DEGS2: variants seen among roughly 807,000 people sequenced by gnomAD.
The protein encoded by DEGS2 is delta 4-desaturase, sphingolipid 2.
In DEGS2, 19 loss-of-function variants were observed where a neutral mutation model predicts 23.8. That is an observed-to-expected ratio of 0.80 (90% CI 0.56 to 1.17). DEGS2 has a LOEUF of 1.17. Ranked by LOEUF, DEGS2 falls within the 50% of genes most tolerant of loss-of-function variation. The probability of loss-of-function intolerance (pLI) is 0.00; values close to 1 mark genes in which losing one functional copy is unlikely to be tolerated. For missense variants in DEGS2, 390 were observed against 459.5 expected, an observed-to-expected ratio of 0.85 and a Z score of 1.38; for synonymous variants, 218 against 213.7, an observed-to-expected ratio of 1.02 and a Z score of -0.18.
chr14:100,149,789 C>T (rs753250048), intron 1 of DEGS2, 79 bp from the exon 2 acceptor site: 144 of 1,439,030 alleles, frequency 1.0e-4, no homozygotes, highest in Middle Eastern at 1.9e-4. Flanking sequence ...CTGCAGTGGC[C>T]GAGGGGTGAG....
At position 100,146,783 on chromosome 14, in the gene DEGS2, C is replaced by T. The variant is rs772234556; in HGVS notation, c.950G>A (p.Arg317Lys). ...GPYARVKRVY[R>K]LAKDGL is the part of the protein sequence containing the mutation. ...GGCTCACAGACCATCTTTTGCCAGC[C>T]TGTACACCCGCTTCACCCTGGCATA... Residue 317 changes from arginine (R) to lysine (K), a missense_variant, in exon 3 of 3, where the codon AGG becomes AAG. Coordinates refer to ENST00000305631, the MANE Select transcript of DEGS2 (RefSeq NM_206918.3). 1.2e-6 allele frequency: 2 copies of T among 1,613,698 alleles called. No homozygotes were observed. The highest frequency in any genetic ancestry group is 1.1e-5 in the South Asian group (1 of 91,084).
intron 1 of DEGS2, among the ~76,000 whole-genome samples, chr14:100,152,389 G>A (rs941826465): frequency 3.3e-5 from 5 of 152,186 alleles, no homozygotes; most frequent in African/African-American, 1.2e-4. Context: ...GAGCTATGGA[G>A]CATTATTTCT....
chr14:100,159,635 G>T lies in DEGS2; in HGVS notation c.-48C>A. 8.0e-7 allele frequency: 1 copy of T among 1,253,660 alleles called. No homozygotes were observed. Among genetic ancestry groups the T allele is most frequent in the Non-Finnish European group, 1.0e-6 (1 of 967,912 alleles). The allele number at this position is 1,253,660 out of a possible 1,614,324, so 77.7% of individuals were successfully genotyped here. A position where few individuals can be genotyped will look rare whatever the true frequency, so the allele number is the denominator to read the frequency against. On this transcript the variant is annotated 5_prime_UTR_variant, in exon 1 of 3. Transcript: ENST00000305631. Reference sequence around the variant, plus strand: ...GGAGCGCGGCCGGCTCGGCTCTGCTGCACCTGTCGCGGCGGCCGCGGCGCG... The same window carrying T: ...GGAGCGCGGCCGGCTCGGCTCTGCTTCACCTGTCGCGGCGGCCGCGGCGCG...
At chr14:100,147,044 C>G in intron 2 of DEGS2, 137 bp from the exon 3 acceptor site, 1 of 988,728 alleles carries the variant, frequency 1.0e-6, no homozygotes, top group Non-Finnish European at 1.5e-6. Context: ...CGCGCGCACA[C>G]CCACACACAC....
intron 2 of DEGS2, among the ~76,000 whole-genome samples, chr14:100,147,205 G>T (rs1379414287): frequency 6.6e-6 from 1 of 152,206 alleles, no homozygotes; most frequent in Non-Finnish European, 1.5e-5. Flanking sequence ...GGGCCTGGTG[G>T]CCTGAACTGC....
At chr14:100,159,419 C>T (rs974348626) in intron 1 of DEGS2, 87 bp downstream of exon 1, 49 of 1,058,166 alleles carry the variant, frequency 4.6e-5, no homozygotes, top group Admixed American at 1.4e-4. Flanking sequence ...AGAGCTGGAG[C>T]GGCCCGTCTG....
At position 100,149,587 on chromosome 14, in the gene DEGS2, A is replaced by G; in HGVS notation, c.206T>C (p.Leu69Pro). Residue 69 changes from leucine to proline, a missense_variant, in exon 2 of 3, where the codon CTG (leucine) becomes CCG (proline). By Grantham distance (98) the Leu-to-Pro change is moderately conservative. Coordinates refer to ENST00000305631, the MANE Select transcript of DEGS2 (RefSeq NM_206918.3). The part of the protein sequence containing the change: ...WLVRGLAWRW[L>P]LFWAYAFGGC... ...ACCAAAGGCGTAGGCCCAGAACAGC[A>G]GCCAGCGCCAGGCCAGCCCGCGCAC... 1 of 1,609,574 alleles carries G rather than the reference A, an allele frequency of 6.2e-7. No individual in the cohort carries two copies. Among genetic ancestry groups the G allele is most frequent in the Non-Finnish European group, 8.5e-7 (1 of 1,179,074 alleles).
chr14:100,159,208 A>G (rs1595280781), intron 1 of DEGS2, among the ~76,000 whole-genome samples: 2 of 152,064 alleles, frequency 1.3e-5, no homozygotes, highest in Admixed American at 6.5e-5. Flanking sequence ...AGCATCCCAG[A>G]GCCCCGGCCC....
chr14:100,158,495 G>A (rs1297150340), intron 1 of DEGS2, among the ~76,000 whole-genome samples: 1 of 152,186 alleles, frequency 6.6e-6, no homozygotes, highest in Non-Finnish European at 1.5e-5. Context: ...CTGGGAGGCG[G>A]GGGTCGCAGT....
At chr14:100,149,762 G>T in intron 1 of DEGS2, 52 bp from the exon 2 acceptor site, 4 of 1,520,094 alleles carry the variant, frequency 2.6e-6, no homozygotes, top group Non-Finnish European at 3.6e-6. Context: ...GCTGCACCCC[G>T]CCCTCCTCCG....
chr14:100,166,239 TGGGGGGAG>T, the DEGS2 span, among the ~76,000 whole-genome samples: 1 of 38,620 alleles, frequency 2.6e-5, no homozygotes, highest in African/African-American at 8.3e-5. Context: ...TCCAGGAGAG[TGGGGGGAG>T]CCTGTCCGGG....
intron 1 of DEGS2, among the ~76,000 whole-genome samples, chr14:100,156,227 C>T (rs762279377): frequency 6.6e-5 from 10 of 152,260 alleles, no homozygotes; most frequent in Non-Finnish European, 1.2e-4. Flanking sequence ...GAGCACCAGC[C>T]TGGCCTGTGT....
chr14:100,147,658 G>GCCAC (rs1889474927), intron 2 of DEGS2, among the ~76,000 whole-genome samples: 1 of 81,334 alleles, frequency 1.2e-5, no homozygotes, highest in Non-Finnish European at 2.5e-5. Context: ...TGCCCTCCCT[G>GCCAC]CCCCCCCCCC....
intron 2 of DEGS2, 126 bp from the exon 3 acceptor site, chr14:100,147,033 G>T (rs147156136): frequency 1.4e-5 from 16 of 1,118,450 alleles, no homozygotes; most frequent in Non-Finnish European, 7.6e-6. Context: ...ACATGTTTGC[G>T]CGCGCGCACA....
In DEGS2 at chr14:100,149,082, G is replaced by A. The variant is rs1442935714; in HGVS notation, c.711C>T (p.Leu237=). 1 of 1,612,912 alleles carries A rather than the reference G, an allele frequency of 6.2e-7. No homozygotes were observed. Among genetic ancestry groups the A allele is most frequent in the Non-Finnish European group, 8.5e-7 (1 of 1,179,988 alleles). Residue 237 remains leucine, a synonymous_variant, in exon 2 of 3, where the codon CTC becomes CTT. Transcript: ENST00000305631. ...AGTAGGAGTAGGTCTCGTGGCCCTT[G>A]AGGAACATGTAGTGCTCGGCCACGA... ...GHFVAEHYMF[L]KGHETYSYYG...
intron 2 of DEGS2, among the ~76,000 whole-genome samples, chr14:100,147,572 G>A (rs927829650): frequency 1.1e-4 from 16 of 150,578 alleles, no homozygotes; most frequent in African/African-American, 3.4e-4. Context: ...CAGCTTCAGC[G>A]CCCGCAACTG....
chr14:100,163,920 G>A (rs113183717), upstream of DEGS2, among the ~76,000 whole-genome samples: 9,408 of 152,044 alleles, frequency 0.062, 614 homozygotes, highest in African/African-American at 0.16. Flanking sequence ...TGCAGAGACC[G>A]GGTTTTGTGG....
chr14:100,148,127 G>C (rs578189224), intron 2 of DEGS2, among the ~76,000 whole-genome samples: 5 of 152,314 alleles, frequency 3.3e-5, no homozygotes, highest in African/African-American at 4.8e-5. Context: ...ACAGGGACGT[G>C]TGCACAAACA....
the DEGS2 span, among the ~76,000 whole-genome samples, chr14:100,165,399 A>G: frequency 6.6e-6 from 1 of 152,166 alleles, no homozygotes; most frequent in Non-Finnish European, 1.5e-5. Flanking sequence ...TGTGTCCCCG[A>G]CCCGCGCCGT....
Sources: allele counts gnomAD v4.1 joint callset (sites outside exome capture counted in the v4.1 genomes callset), GRCh38; gene constraint gnomAD v4.1.1; transcripts MANE v1.5; gene names NCBI Gene and HGNC (gene_info 2026-07-23, HGNC 2026-07-21).